The following PTPRO variants were observed in gnomAD, a reference collection of about 807,000 sequenced individuals.
PTPRO encodes the protein protein tyrosine phosphatase receptor type O, also known as receptor-type tyrosine-protein phosphatase O.
In PTPRO, 62 loss-of-function variants were observed where a neutral mutation model predicts 145.2. That is an observed-to-expected ratio of 0.43 (90% CI 0.35 to 0.53). The LOEUF is 0.53. Among genes scored for constraint, PTPRO ranks in the 20% least tolerant of loss-of-function variants. The pLI, the probability that PTPRO is intolerant of heterozygous loss-of-function variation, is 0.01. For synonymous variants in PTPRO, 565 were observed against 514.7 expected, an observed-to-expected ratio of 1.10 and a Z score of -1.32; for missense variants, 1,345 against 1,482.7, an observed-to-expected ratio of 0.91 and a Z score of 1.53.
chr12:15,509,988 C>G (rs1313228751), intron 7 of PTPRO, among the ~76,000 whole-genome samples: 1 of 152,076 alleles, frequency 6.6e-6, no homozygotes, highest in African/African-American at 2.4e-5. Flanking sequence ...TTTACAAGGT[C>G]AAATGTGGTG....
rs188354030 is a variant in PTPRO at position 15,347,789 on chromosome 12, T to C, written c.75+24988T>C. The stretch of plus-strand genomic sequence containing the variant: ...GGTCATAGAAAATTCATCTGGTCTA[T>C]TTAGTTACAATTCATTTGCATGGCC... On this transcript the variant is annotated intron_variant, in intron 1 of 26. Transcript: ENST00000281171. Among the ~76,000 whole-genome samples the C allele has an allele frequency of 2.9e-3, 438 of 152,346 alleles. 2 individuals are homozygous for C. The highest frequency in any genetic ancestry group is 0.01 in the African/African-American group (426 of 41,582).
At chr12:15,514,465 A>G (rs1475462792) in intron 7 of PTPRO, among the ~76,000 whole-genome samples, 5,389 of 147,558 alleles carry the variant, frequency 0.037, 130 homozygotes, top group East Asian at 0.085. Context: ...AAAAAAAAAA[A>G]AAAAAAAAGA....
chr12:15,415,911 C>T (rs549812178), intron 1 of PTPRO, among the ~76,000 whole-genome samples: 2 of 151,592 alleles, frequency 1.3e-5, no homozygotes, highest in South Asian at 4.2e-4. Context: ...AGGTAACAAT[C>T]GCAAGGATAA....
At chr12:15,455,208 A>G (rs1941144380) in intron 1 of PTPRO, among the ~76,000 whole-genome samples, 1 of 152,070 alleles carries the variant, frequency 6.6e-6, no homozygotes, top group Non-Finnish European at 1.5e-5. Context: ...TGCCACCATT[A>G]TACCACTTAT....
chr12:15,358,239 G>A (rs1374883381), intron 1 of PTPRO, among the ~76,000 whole-genome samples: 1 of 106,886 alleles, frequency 9.4e-6, no homozygotes, highest in African/African-American at 3.7e-5. Flanking sequence ...GTCATGGGGT[G>A]GGGGGAGGGG....
chr12:15,516,638 G>C (rs1410186048), intron 8 of PTPRO, 125 bp from the exon 9 acceptor site: 6 of 817,800 alleles, frequency 7.3e-6, no homozygotes, highest in Non-Finnish European at 1.2e-5. Flanking sequence ...AGGAAGGAAG[G>C]GAGGGAGGGA....
At chr12:15,558,202 G>A (rs1350475852) in intron 16 of PTPRO, among the ~76,000 whole-genome samples, 3 of 152,100 alleles carry the variant, frequency 2.0e-5, no homozygotes, top group Non-Finnish European at 2.9e-5. Context: ...CCAAAGTGCT[G>A]GGATTACAGG....
chr12:15,478,903 T>C (rs1398660506), intron 1 of PTPRO, among the ~76,000 whole-genome samples: 1 of 152,150 alleles, frequency 6.6e-6, no homozygotes, highest in Non-Finnish European at 1.5e-5. Flanking sequence ...AATCTCCTGA[T>C]CTCGTGATCC....
chr12:15,516,904 A>G lies in PTPRO; in HGVS notation c.1727A>G (p.Glu576Gly). 2 of 1,614,038 alleles carry G rather than the reference A, an allele frequency of 1.2e-6. No individual in the cohort carries two copies. The highest frequency in any genetic ancestry group is 1.7e-6 in the Non-Finnish European group (2 of 1,179,876). The change falls in exon 9 of 27, where the codon GAG becomes GGG. Residue 576 changes from glutamate to glycine, a missense_variant. Physicochemically the swap from Glu to Gly is moderately conservative, Grantham distance 98. This residue lies in a region of PTPRO where 1,130 missense variants were observed against 1,214.7 expected (regional missense o/e 0.93). Transcript: ENST00000281171. Reference protein sequence around the residue: ...FYFNPATMTSEWTTYYEIAAT... With the variant: ...FYFNPATMTSGWTTYYEIAAT... ...TTCAACCCTGCTACAATGACATCAG[A>G]GTGGACCACCTACTATGAAATAGCA...
At chr12:15,429,817 A>G (rs1940384404) in intron 1 of PTPRO, among the ~76,000 whole-genome samples, 1 of 152,162 alleles carries the variant, frequency 6.6e-6, no homozygotes, top group African/African-American at 2.4e-5. Context: ...GGTGGGAGAG[A>G]GAGCAATGTG....
chr12:15,514,487 AG>A (rs1391788554), intron 7 of PTPRO, among the ~76,000 whole-genome samples: 4 of 151,308 alleles, frequency 2.6e-5, no homozygotes, highest in Non-Finnish European at 5.9e-5. Flanking sequence ...AGAACAGTAA[AG>A]AAGGTCTCAT....
intron 1 of PTPRO, among the ~76,000 whole-genome samples, chr12:15,415,671 C>T (rs1490176206): frequency 1.3e-5 from 2 of 151,792 alleles, no homozygotes; most frequent in Admixed American, 6.5e-5. Flanking sequence ...AGGCGTGAGC[C>T]ACTGTGCCCG....
chr12:15,595,194 C>G, intron 26 of PTPRO, 137 bp downstream of exon 26: 1 of 690,658 alleles, frequency 1.4e-6, no homozygotes, highest in Non-Finnish European at 2.6e-6. Flanking sequence ...AGCTCCTGGC[C>G]TCACATGGGT....
intron 1 of PTPRO, among the ~76,000 whole-genome samples, chr12:15,435,215 A>G (rs1341954918): frequency 6.6e-6 from 1 of 152,204 alleles, no homozygotes; most frequent in African/African-American, 2.4e-5. Flanking sequence ...TAGCTATCAA[A>G]AATATGACAG....
intron 8 of PTPRO, among the ~76,000 whole-genome samples, chr12:15,516,418 A>G (rs1202240896): frequency 1.3e-5 from 2 of 150,450 alleles, no homozygotes; most frequent in Non-Finnish European, 3.0e-5. Context: ...AAAGAGAGAA[A>G]GGAGAAAAAG....
intron 1 of PTPRO, among the ~76,000 whole-genome samples, chr12:15,418,433 A>G (rs1012749593): frequency 2.0e-5 from 3 of 151,754 alleles, no homozygotes; most frequent in Non-Finnish European, 4.4e-5. Context: ...CTGTTGTTGT[A>G]GTTGTTTCTT....
intron 19 of PTPRO, among the ~76,000 whole-genome samples, chr12:15,571,586 C>T (rs889239000): frequency 5.3e-5 from 8 of 152,176 alleles, no homozygotes; most frequent in African/African-American, 1.9e-4. Context: ...ATGCCCAGCC[C>T]AACCTCTTTT....
chr12:15,350,721 T>A (rs928108271), intron 1 of PTPRO, among the ~76,000 whole-genome samples: 1 of 152,214 alleles, frequency 6.6e-6, no homozygotes, highest in Non-Finnish European at 1.5e-5. Flanking sequence ...AAAGACTACC[T>A]CTGTTGTACC....
intron 1 of PTPRO, among the ~76,000 whole-genome samples, chr12:15,464,362 GT>G (rs201018150): frequency 2.1e-4 from 31 of 150,134 alleles, no homozygotes; most frequent in Admixed American, 9.3e-4. Context: ...TTTGTTTTGG[GT>G]TTTTTTTTGG....
Sources: gnomAD v4.1 joint callset for allele counts (sites outside exome capture counted in the v4.1 genomes callset) on GRCh38, gnomAD v4.1.1 for gene constraint, gnomAD v4.1.1 regional missense constraint, MANE v1.5 for transcripts, NCBI Gene and HGNC (gene_info 2026-07-23, HGNC 2026-07-21) for gene names.